The following EP300 variants were observed in gnomAD, a reference collection of about 807,000 sequenced individuals.
EP300 encodes histone acetyltransferase p300.
A neutral mutation model predicts 264.0 loss-of-function variants in EP300; 31 were observed. That is an observed-to-expected ratio of 0.12 (90% CI 0.09 to 0.16). The LOEUF (loss-of-function observed/expected upper bound fraction) is 0.16, where lower values mean the gene tolerates loss of function less well. Ranked by LOEUF, EP300 falls within the 10% of genes least tolerant of loss-of-function variation. The probability of loss-of-function intolerance (pLI) is 1.00; values close to 1 mark genes in which losing one functional copy is unlikely to be tolerated. For missense variants in EP300, 2,766 were observed against 3,052.9 expected (o/e 0.91, Z 2.21); for synonymous variants, 1,340 against 1,045.4 (o/e 1.28, Z -5.44).
chr22:41,154,376 CTTTTTTTTTTTTTTTTTT>C (rs869304891), intron 16 of EP300, among the ~76,000 whole-genome samples: 1 of 61,792 alleles, frequency 1.6e-5, no homozygotes, highest in African/African-American at 6.2e-5. Flanking sequence ...CTTGTGCACT[CTTTTTTTTTTTTTTTTTT>C]TTTTTGAGAT....
Position 41,131,599 on chromosome 22 carries a change from G to A in EP300, c.1494G>A (p.Gln498=), listed in dbSNP as rs2058919967. ...AKNQQNQQPG[Q]SPQGMRPMSN... is the part of the protein sequence containing the mutation. ...ACCAGCAGAATCAGCAGCCTGGGCA[G>A]TCTCCCCAAGGCATGCGGCCCATGA... is the stretch of plus-strand genomic sequence containing the variant. The change falls in exon 6 of 31, where the codon CAG becomes CAA. Residue 498 remains glutamine, a synonymous_variant. Transcript: ENST00000263253. 1 of 1,614,002 alleles carries A rather than the reference G, an allele frequency of 6.2e-7. No homozygotes were observed. Among genetic ancestry groups the A allele is most frequent in the African/African-American group, 1.3e-5 (1 of 74,910 alleles).
At chr22:41,165,109 T>C (rs2059127232) in intron 22 of EP300, among the ~76,000 whole-genome samples, 2 of 152,188 alleles carry the variant, frequency 1.3e-5, no homozygotes, top group Admixed American at 1.3e-4. Flanking sequence ...AAATAGGTGA[T>C]GGTTTAGTGG....
chr22:41,136,417 AC>A (rs2058950871), intron 7 of EP300, among the ~76,000 whole-genome samples: 1 of 152,218 alleles, frequency 6.6e-6, no homozygotes, highest in Admixed American at 6.5e-5. Context: ...TTGCAAGGTT[AC>A]AGCTCCATAA....
rs2059033262 is a variant in EP300 at position 41,149,876 on chromosome 22, C to A, written c.2495C>A (p.Pro832His). Residue 832 changes from proline (P) to histidine (H), a missense_variant, in exon 14 of 31, where the codon CCC becomes CAC. By Grantham distance (77) the Pro-to-His change is moderately conservative (BLOSUM62 -2). Transcript: ENST00000263253. ...LPQPALHQNS[P>H]SPVPSRTPTP... Reference sequence around the variant, plus strand: ...CAACCAGCTCTTCATCAGAATTCACCCTCGCCTGTACCTAGTCGTACCCCC... The same window carrying A: ...CAACCAGCTCTTCATCAGAATTCACACTCGCCTGTACCTAGTCGTACCCCC... The A allele has an allele frequency of 1.2e-6, 2 of 1,613,924 alleles. No individual in the cohort carries two copies. Among genetic ancestry groups the A allele is most frequent in the Non-Finnish European group, 1.7e-6 (2 of 1,180,030 alleles).
Position 41,177,637 on chromosome 22 carries a change from C to T in EP300, c.5926C>T (p.Pro1976Ser), listed in dbSNP as rs1427345303. Residue 1976 changes from proline (P) to serine (S), a missense_variant, in exon 31 of 31, where the codon CCC (proline) becomes TCC (serine). By Grantham distance (74) the Pro-to-Ser change is moderately conservative. Transcript: ENST00000263253. ...GMNPPPMTRG[P>S]SGHLEPGMGP... ...GAACCCACCTCCCATGACCAGAGGTCCCAGTGGGCATTTGGAGCCAGGGAT... is the reference window on the plus strand; with the variant it reads ...GAACCCACCTCCCATGACCAGAGGTTCCAGTGGGCATTTGGAGCCAGGGAT... 9.3e-6 allele frequency: 15 copies of T among 1,613,980 alleles called. No individual in the cohort carries two copies. Among genetic ancestry groups the T allele is most frequent in the Non-Finnish European group, 1.2e-5 (14 of 1,180,030 alleles).
chr22:41,128,395 G>A (rs1417408037), intron 4 of EP300, among the ~76,000 whole-genome samples: 1 of 151,942 alleles, frequency 6.6e-6, no homozygotes, highest in Non-Finnish European at 1.5e-5. Flanking sequence ...AAGAGGGCAG[G>A]GGTTGGTGTG....
rs532779902 is a variant in EP300 at position 41,132,286 on chromosome 22, C to CTTT, written c.1528+671_1528+673dup. Among the ~76,000 whole-genome samples the CTTT allele has an allele frequency of 8.6e-4, 49 of 56,778 alleles. 2 individuals are homozygous for CTTT. Among genetic ancestry groups the CTTT allele is most frequent in the African/African-American group, 2.2e-3 (41 of 18,484 alleles). 37.2% of individuals were successfully genotyped at this position (56,778 alleles called of 152,430 possible). ...TTGTATAGTATGTCATTCTTTCATT[C>CTTT]TTTTTTTTTTTTTTTTTTTTGAGAT... is the stretch of plus-strand genomic sequence containing the variant. On this transcript the variant is annotated intron_variant, in intron 6 of 30. Transcript: ENST00000263253.
At chr22:41,132,920 T>TTC (rs1269169587) in intron 6 of EP300, among the ~76,000 whole-genome samples, 1 of 152,202 alleles carries the variant, frequency 6.6e-6, no homozygotes, top group Non-Finnish European at 1.5e-5. Context: ...ATATGTATGT[T>TTC]TCTCTAATTG....
chr22:41,104,981 G>A (rs1328503684), intron 1 of EP300, among the ~76,000 whole-genome samples: 6 of 151,994 alleles, frequency 3.9e-5, no homozygotes, highest in East Asian at 1.9e-4. Context: ...TGGGTAACAC[G>A]GTGTAACCCC....
rs761737628 is a variant in EP300, at chr22:41,177,743, C to T, written c.6032C>T (p.Pro2011Leu). Residue 2011 changes from proline to leucine, a missense_variant, in exon 31 of 31, where the codon CCA (proline) becomes CTA (leucine). Physicochemically the swap from Pro to Leu is moderately conservative, Grantham distance 98. Transcript: ENST00000263253. ...PQPQQLQSGM[P>L]RPAMMSVAQH... ...CCCCAGCAACTACAGTCTGGGATGC[C>T]AAGGCCAGCCATGATGTCAGTGGCC... The T allele has an allele frequency of 2.5e-6, 4 of 1,613,842 alleles. No individual in the cohort carries two copies. The South Asian group carries it at 4.4e-5, about 18-fold the overall frequency.
chr22:41,138,353 G>A (rs1200095777), intron 8 of EP300, among the ~76,000 whole-genome samples: 1 of 152,040 alleles, frequency 6.6e-6, no homozygotes, highest in Non-Finnish European at 1.5e-5. Flanking sequence ...TAGTAGAGAC[G>A]GGGTTTCACT....
At chr22:41,148,922 G>A (rs1232038907) in intron 12 of EP300, 116 bp from the exon 13 acceptor site, 1 of 1,414,952 alleles carries the variant, frequency 7.1e-7, no homozygotes, top group Non-Finnish European at 9.8e-7. Context: ...CTATACTCCT[G>A]TCTTTGGCTT....
chr22:41,162,940 C>A (rs1219926766), intron 21 of EP300, among the ~76,000 whole-genome samples, 161 bp downstream of exon 21: 1 of 152,088 alleles, frequency 6.6e-6, no homozygotes, highest in Non-Finnish European at 1.5e-5. Flanking sequence ...CACTGAAGTA[C>A]TAAGGAACAT....
chr22:41,108,423 A>T (rs1324166055), intron 1 of EP300, among the ~76,000 whole-genome samples: 1 of 151,106 alleles, frequency 6.6e-6, no homozygotes, highest in African/African-American at 2.4e-5. Flanking sequence ...TAATTTTCGT[A>T]TTTTTTTGTT....
rs1273519659 is a variant in EP300 at position 41,137,680 on chromosome 22, G to T, written c.1650G>T (p.Val550=). The T allele has an allele frequency of 1.2e-6, 2 of 1,614,024 alleles. No individual in the cohort carries two copies. Among genetic ancestry groups the T allele is most frequent in the Non-Finnish European group, 1.7e-6 (2 of 1,180,038 alleles). ...QNPMMSENAS[V]PSLGPMPTAA... is the part of the protein sequence containing the mutation. ...CAATGATGAGTGAAAATGCCAGTGTGCCCTCCCTGGGTCCTATGCCAACAG... is the reference window on the plus strand; with the variant it reads ...CAATGATGAGTGAAAATGCCAGTGTTCCCTCCCTGGGTCCTATGCCAACAG... The change falls in exon 8 of 31, where the codon GTG becomes GTT. Residue 550 remains valine (V), a synonymous_variant. Transcript: ENST00000263253.
chr22:41,113,154 T>TCCCCCCC (rs146149759), intron 1 of EP300, among the ~76,000 whole-genome samples: 5 of 68,314 alleles, frequency 7.3e-5, no homozygotes, highest in Admixed American at 2.1e-4. Flanking sequence ...GAATCAGGAT[T>TCCCCCCC]CCACCCCCCC....
chr22:41,162,658 T>G, intron 20 of EP300, 65 bp from the exon 21 acceptor site: 1 of 1,313,528 alleles, frequency 7.6e-7, no homozygotes, highest in East Asian at 2.3e-5. Context: ...TTCCTTTGGT[T>G]AGAACAGCAG....
At chr22:41,165,877 C>G (rs569661975) in intron 22 of EP300, among the ~76,000 whole-genome samples, 1 of 152,046 alleles carries the variant, frequency 6.6e-6, no homozygotes. Context: ...TCAGGCAATT[C>G]TCCTGCCTCA....
At chr22:41,128,064 G>A (rs1338184794) in intron 4 of EP300, among the ~76,000 whole-genome samples, 2 of 152,144 alleles carry the variant, frequency 1.3e-5, no homozygotes, top group South Asian at 4.2e-4. Context: ...GACTAAGAAG[G>A]CTGAGGAAGG....
Sources: gnomAD v4.1 joint callset for allele counts (sites outside exome capture counted in the v4.1 genomes callset) on GRCh38, gnomAD v4.1.1 for gene constraint, MANE v1.5 for transcripts, NCBI Gene and HGNC (gene_info 2026-07-23, HGNC 2026-07-21) for gene names.